Variants in ZCCHC7 observed in about 807,000 individuals in gnomAD.
ZCCHC7 encodes the protein zinc finger CCHC domain-containing protein 7.
A neutral mutation model predicts 52.0 loss-of-function variants in ZCCHC7; 35 were observed. The observed-to-expected ratio is 0.67, with a 90% CI of 0.51 to 0.89. The LOEUF is 0.89. Ranked by LOEUF, ZCCHC7 falls within the 40% of genes least tolerant of loss-of-function variation. The pLI, the probability that ZCCHC7 is intolerant of heterozygous loss-of-function variation, is 0.00. For missense variants in ZCCHC7, 574 were observed against 649.1 expected (o/e 0.88, Z 1.26); for synonymous variants, 217 against 221.5 (o/e 0.98, Z 0.18).
At chr9:37,250,288 CTCTT>C (rs1203665514) in intron 2 of ZCCHC7, among the ~76,000 whole-genome samples, 5 of 150,592 alleles carry the variant, frequency 3.3e-5, no homozygotes, top group East Asian at 1.9e-4. Context: ...ATCAATCTCT[CTCTT>C]TCTCTCTCTT....
chr9:37,230,507 G>A (rs956973737), intron 2 of ZCCHC7, among the ~76,000 whole-genome samples: 10 of 152,068 alleles, frequency 6.6e-5, no homozygotes, highest in Non-Finnish European at 1.2e-4. Context: ...GTGGGATGGG[G>A]CATTATTTTA....
intron 2 of ZCCHC7, among the ~76,000 whole-genome samples, chr9:37,185,313 G>A (rs1290703804): frequency 6.6e-6 from 1 of 151,540 alleles, no homozygotes; most frequent in Non-Finnish European, 1.5e-5. Context: ...CATTTAGGCA[G>A]TCTTCCTGGG....
At chr9:37,334,014 TAC>T (rs780319475) in intron 6 of ZCCHC7, 2 of 151,908 alleles carry the variant, frequency 1.3e-5, no homozygotes, top group Admixed American at 6.6e-5. Flanking sequence ...CCAAAATTAA[TAC>T]AGTTTACCAT....
intron 2 of ZCCHC7, among the ~76,000 whole-genome samples, chr9:37,295,466 T>G (rs2133658344): frequency 6.6e-6 from 1 of 152,304 alleles, no homozygotes; most frequent in Non-Finnish European, 1.5e-5. Flanking sequence ...ATTACTTAAG[T>G]AGCAGTGGAA....
chr9:37,307,936 A>G (rs1467771845), intron 5 of ZCCHC7, among the ~76,000 whole-genome samples: 2 of 152,200 alleles, frequency 1.3e-5, no homozygotes, highest in African/African-American at 2.4e-5. Flanking sequence ...TTATGTCTGG[A>G]TAAGTATTGT....
At chr9:37,323,918 T>C (rs1830144651) in intron 5 of ZCCHC7, among the ~76,000 whole-genome samples, 1 of 152,148 alleles carries the variant, frequency 6.6e-6, no homozygotes, top group Non-Finnish European at 1.5e-5. Flanking sequence ...ATGAAGAGCC[T>C]GGTCTTGAGG....
intron 2 of ZCCHC7, among the ~76,000 whole-genome samples, chr9:37,166,655 G>C (rs1821439181): frequency 6.6e-6 from 1 of 151,942 alleles, no homozygotes. Flanking sequence ...TGGAAGCTCA[G>C]GTTGTTGATT....
intron 2 of ZCCHC7, among the ~76,000 whole-genome samples, chr9:37,152,511 G>A (rs1052040742): frequency 2.0e-5 from 3 of 152,004 alleles, no homozygotes; most frequent in Admixed American, 6.6e-5. Context: ...TGTCTCCTTA[G>A]GCTTCTCTTG....
chr9:37,224,616 G>A (rs1215312203), intron 2 of ZCCHC7, among the ~76,000 whole-genome samples: 1 of 152,156 alleles, frequency 6.6e-6, no homozygotes, highest in African/African-American at 2.4e-5. Flanking sequence ...GACAGTTTTG[G>A]TACAGGGAAG....
chr9:37,283,654 AT>A (rs1348438303), intron 2 of ZCCHC7, among the ~76,000 whole-genome samples: 1 of 152,174 alleles, frequency 6.6e-6, no homozygotes, highest in Non-Finnish European at 1.5e-5. Context: ...CAGTTTTGTT[AT>A]AGGCACCTCA....
intron 2 of ZCCHC7, among the ~76,000 whole-genome samples, chr9:37,149,211 T>C (rs192056410): frequency 6.6e-6 from 1 of 152,340 alleles, no homozygotes; most frequent in East Asian, 1.9e-4. Context: ...CAGTATGGTA[T>C]AGAATTTTGT....
chr9:37,344,138 C>T (rs1195629059), intron 6 of ZCCHC7, among the ~76,000 whole-genome samples: 1 of 152,114 alleles, frequency 6.6e-6, no homozygotes, highest in Non-Finnish European at 1.5e-5. Context: ...CATAGCAAGA[C>T]CCCCATCTCC....
At chr9:37,222,281 T>A (rs1246396206) in intron 2 of ZCCHC7, among the ~76,000 whole-genome samples, 1 of 148,630 alleles carries the variant, frequency 6.7e-6, no homozygotes, top group East Asian at 2.0e-4. Context: ...TTATAACAGT[T>A]AAGATAACAT....
intron 2 of ZCCHC7, among the ~76,000 whole-genome samples, chr9:37,190,949 G>A (rs1822987548): frequency 6.6e-6 from 1 of 151,860 alleles, no homozygotes; most frequent in Non-Finnish European, 1.5e-5. Flanking sequence ...TTGAACCCGG[G>A]AGGCGGAGGT....
At chr9:37,257,548 G>A (rs143217106) in intron 2 of ZCCHC7, among the ~76,000 whole-genome samples, 37 of 151,646 alleles carry the variant, frequency 2.4e-4, no homozygotes, top group African/African-American at 8.0e-4. Context: ...TTCTCATTTC[G>A]GAAAATAGAT....
At chr9:37,298,310 AG>A (rs1401649177) in intron 2 of ZCCHC7, among the ~76,000 whole-genome samples, 1 of 152,254 alleles carries the variant, frequency 6.6e-6, no homozygotes, top group African/African-American at 2.4e-5. Flanking sequence ...ACCTCTGACC[AG>A]GCCCAACCTC....
chr9:37,334,759 A>G (rs1174125336), intron 6 of ZCCHC7, among the ~76,000 whole-genome samples: 2 of 152,018 alleles, frequency 1.3e-5, no homozygotes, highest in Non-Finnish European at 2.9e-5. Flanking sequence ...CTGGTGTTTA[A>G]GAAATACCGA....
In ZCCHC7 at chr9:37,182,963, C is replaced by CTGA. The variant is rs1224977506; in HGVS notation, c.610+56022_610+56023insGAT. ...ATTGTACATCTGAGTAGCCACTGCACTTCAGCCTGGGCACCATAGTGAGAC... is the reference window on the plus strand; with the variant it reads ...ATTGTACATCTGAGTAGCCACTGCACTGATTCAGCCTGGGCACCATAGTGAGAC... On this transcript the variant is annotated intron_variant, in intron 2 of 8. Transcript: ENST00000336755. Among the ~76,000 whole-genome samples, 5 of 152,290 alleles carry CTGA rather than the reference C, an allele frequency of 3.3e-5. No individual in the cohort carries two copies. In the East Asian group the frequency reaches 9.7e-4, roughly 29 times the overall value.
chr9:37,287,331 C>G (rs764650948), intron 2 of ZCCHC7, among the ~76,000 whole-genome samples: 1 of 151,892 alleles, frequency 6.6e-6, no homozygotes, highest in Admixed American at 6.6e-5. Flanking sequence ...CAAAAGTATA[C>G]AGTCAACTAG....
Sources: allele counts gnomAD v4.1 joint callset (sites outside exome capture counted in the v4.1 genomes callset), GRCh38; gene constraint gnomAD v4.1.1; transcripts MANE v1.5; gene names NCBI Gene and HGNC (gene_info 2026-07-23, HGNC 2026-07-21).